Variants in COL19A1 observed in about 807,000 individuals in gnomAD.
COL19A1 encodes collagen type XIX alpha 1 chain, also known as collagen alpha-1(XIX) chain.
COL19A1 carries 159 observed loss-of-function variants against 190.2 expected under a neutral mutation model. That is an observed-to-expected ratio of 0.84 (90% CI 0.73 to 0.95). The LOEUF is 0.95. COL19A1 is among the 40% of genes least tolerant of loss of function. The probability of loss-of-function intolerance (pLI) is 0.00; values close to 1 mark genes in which losing one functional copy is unlikely to be tolerated. For missense variants in COL19A1, 1,418 were observed against 1,431.9 expected (o/e 0.99, Z 0.16); for synonymous variants, 509 against 458.9 (o/e 1.11, Z -1.39).
intron 12 of COL19A1, among the ~76,000 whole-genome samples, chr6:70,026,379 A>G (rs1486367930): frequency 1.3e-5 from 2 of 152,212 alleles, no homozygotes; most frequent in Admixed American, 6.5e-5. Flanking sequence ...GTGAATGTCT[A>G]TCCCTTTGAG....
chr6:69,897,238 A>G (rs548740257), intron 2 of COL19A1, among the ~76,000 whole-genome samples: 35 of 152,240 alleles, frequency 2.3e-4, no homozygotes, highest in Non-Finnish European at 4.4e-4. Flanking sequence ...ATGACCATCC[A>G]TTTCCCACTG....
Position 70,090,705 on chromosome 6 carries a change from G to A in COL19A1, c.1225-11464G>A, listed in dbSNP as rs143889372. ...ACCTTCTGGCCTATTATCTACCTAAGCAGGTGCTTATACCAACCTATATAA... is the reference window on the plus strand; with the variant it reads ...ACCTTCTGGCCTATTATCTACCTAAACAGGTGCTTATACCAACCTATATAA... On this transcript the variant is annotated intron_variant, in intron 15 of 50. Coordinates refer to ENST00000620364, the MANE Select transcript of COL19A1 (RefSeq NM_001858.6). Among the ~76,000 whole-genome samples, 73 of 152,222 alleles carry A rather than the reference G, an allele frequency of 4.8e-4. 1 individual carries two copies. The South Asian group carries it at 9.3e-3, about 19-fold the overall frequency.
At chr6:69,982,483 C>T (rs1418016601) in intron 11 of COL19A1, among the ~76,000 whole-genome samples, 1 of 151,902 alleles carries the variant, frequency 6.6e-6, no homozygotes, top group Non-Finnish European at 1.5e-5. Context: ...TCGTGATCCA[C>T]CTGCCTCGGC....
At chr6:69,986,221 TTA>T (rs57648174) in intron 11 of COL19A1, among the ~76,000 whole-genome samples, 15,632 of 137,788 alleles carry the variant, frequency 0.11, 1,235 homozygotes, top group African/African-American at 0.24. Flanking sequence ...CTTACACGTT[TTA>T]TATATATATA....
intron 11 of COL19A1, among the ~76,000 whole-genome samples, chr6:69,983,977 A>G (rs781557747): frequency 6.6e-6 from 1 of 152,110 alleles, no homozygotes; most frequent in Non-Finnish European, 1.5e-5. Flanking sequence ...TGAGTTGAAT[A>G]CTGAATAACC....
intron 4 of COL19A1, among the ~76,000 whole-genome samples, chr6:69,904,979 C>T (rs1770451766): frequency 6.6e-6 from 1 of 152,106 alleles, no homozygotes; most frequent in South Asian, 2.1e-4. Flanking sequence ...GTGCTTCCAG[C>T]TGCCTCGGTG....
intron 17 of COL19A1, among the ~76,000 whole-genome samples, chr6:70,127,140 G>A (rs1465064647): frequency 6.6e-6 from 1 of 152,148 alleles, no homozygotes; most frequent in African/African-American, 2.4e-5. Flanking sequence ...GTGATCTGGA[G>A]GCTGAGATGG....
chr6:70,194,663 C>T (rs1245677907), intron 48 of COL19A1, among the ~76,000 whole-genome samples: 1 of 152,166 alleles, frequency 6.6e-6, no homozygotes, highest in African/African-American at 2.4e-5. Context: ...GCTGCCCACA[C>T]AAATGAGGCT....
In COL19A1 at chr6:69,885,558, C is replaced by A. The variant is rs192594756; in HGVS notation, c.91+5900C>A. Among the ~76,000 whole-genome samples the A allele has an allele frequency of 2.0e-5, 3 of 152,270 alleles. No homozygotes were observed. The East Asian group carries it at 5.8e-4, about 29-fold the overall frequency. ...TTGTATTTTGTTAGTCCTTATGTTG[C>A]ACATTCCATCTCTAGATACATTTAT... On this transcript the variant is annotated intron_variant, in intron 2 of 50. Coordinates refer to ENST00000620364, the MANE Select transcript of COL19A1 (RefSeq NM_001858.6).
intron 48 of COL19A1, among the ~76,000 whole-genome samples, chr6:70,194,475 G>C (rs1767071442): frequency 6.6e-6 from 1 of 152,186 alleles, no homozygotes; most frequent in Non-Finnish European, 1.5e-5. Context: ...CTAGGTTCCA[G>C]ATTGATCACT....
intron 20 of COL19A1, among the ~76,000 whole-genome samples, chr6:70,141,572 G>T (rs1786251570): frequency 6.6e-6 from 1 of 151,664 alleles, no homozygotes; most frequent in South Asian, 2.1e-4. Flanking sequence ...TAATTCTCTG[G>T]GACATGAGAT....
intron 15 of COL19A1, among the ~76,000 whole-genome samples, chr6:70,089,366 G>C (rs1433904927): frequency 6.6e-6 from 1 of 151,848 alleles, no homozygotes; most frequent in African/African-American, 2.4e-5. Flanking sequence ...TATTTTTTAG[G>C]GCATCTTTGT....
intron 6 of COL19A1, among the ~76,000 whole-genome samples, chr6:69,930,912 G>A (rs1772722103): frequency 6.6e-6 from 1 of 152,142 alleles, no homozygotes; most frequent in African/African-American, 2.4e-5. Flanking sequence ...GTATTACAGT[G>A]GTTTCATAAT....
In COL19A1 at chr6:69,921,394, TC is replaced by T. The variant is rs1408992465; in HGVS notation, c.267-6514del. Among the ~76,000 whole-genome samples, 90 of 97,022 alleles carry T rather than the reference TC, an allele frequency of 9.3e-4. 3 individuals are homozygous for T. Among genetic ancestry groups the T allele is most frequent in the African/African-American group, 3.7e-3 (67 of 18,228 alleles). The allele number at this position is 97,022 out of a possible 152,430, so 63.7% of individuals were successfully genotyped here. A position where few individuals can be genotyped will look rare whatever the true frequency, so the allele number is the denominator to read the frequency against. Reference sequence around the variant, plus strand: ...ATATATATCATATATATCATATATATCATATATCATATATATCATATATCAT... The same window carrying T: ...ATATATATCATATATATCATATATATATATATCATATATATCATATATCAT... On this transcript the variant is annotated intron_variant, in intron 4 of 50. Transcript: ENST00000620364.
At position 69,957,410 on chromosome 6, in the gene COL19A1, T is replaced by C. The variant is rs79460117; in HGVS notation, c.937-2586T>C. On this transcript the variant is annotated intron_variant, in intron 9 of 50. Transcript: ENST00000620364. The stretch of plus-strand genomic sequence containing the variant: ...GTGAAGTTAAAGACATGCTATGTGT[T>C]ATAGTAATAACCCAGGCAACGATAC... 2.4e-3 allele frequency among the ~76,000 whole-genome samples: 369 copies of C among 152,254 alleles called. 10 individuals are homozygous for C. The East Asian group carries it at 0.062, about 26-fold the overall frequency.
chr6:69,946,722 G>A (rs931664776), intron 9 of COL19A1, among the ~76,000 whole-genome samples: 6 of 151,872 alleles, frequency 4.0e-5, no homozygotes, highest in Admixed American at 1.3e-4. Flanking sequence ...GGTGCAGTTG[G>A]TAATAAAGGT....
At chr6:69,921,322 C>CTAT (rs1771778411) in intron 4 of COL19A1, among the ~76,000 whole-genome samples, 2 of 123,036 alleles carry the variant, frequency 1.6e-5, no homozygotes, top group African/African-American at 6.2e-5. Context: ...ATCATATAAT[C>CTAT]ATATATCATA....
chr6:70,063,074 A>G (rs919818399), intron 14 of COL19A1, among the ~76,000 whole-genome samples: 2 of 152,178 alleles, frequency 1.3e-5, no homozygotes, highest in Admixed American at 6.5e-5. Flanking sequence ...CAGATGAATG[A>G]GACAGAAAGT....
At chr6:69,995,746 T>A (rs549037319) in intron 11 of COL19A1, among the ~76,000 whole-genome samples, 34 of 152,314 alleles carry the variant, frequency 2.2e-4, no homozygotes, top group African/African-American at 7.2e-4. Context: ...TTCTCATATA[T>A]GAAATATGAA....
Sources: allele counts gnomAD v4.1 joint callset (sites outside exome capture counted in the v4.1 genomes callset), GRCh38; gene constraint gnomAD v4.1.1; transcripts MANE v1.5; gene names NCBI Gene and HGNC (gene_info 2026-07-23, HGNC 2026-07-21).